Variants in BIRC6 observed in about 807,000 individuals in gnomAD.
BIRC6 encodes baculoviral IAP repeat containing 6, also known as dual E2 ubiquitin-conjugating enzyme/E3 ubiquitin-protein ligase BIRC6.
BIRC6 carries 98 observed loss-of-function variants against 503.3 expected under a neutral mutation model. The observed-to-expected ratio is 0.19, with a 90% confidence interval of 0.17 to 0.23. The LOEUF (loss-of-function observed/expected upper bound fraction) is 0.23, where lower values mean the gene tolerates loss of function less well. Ranked by LOEUF, BIRC6 falls within the 10% of genes least tolerant of loss-of-function variation. The pLI, the probability that BIRC6 is intolerant of heterozygous loss-of-function variation, is 1.00. For missense variants in BIRC6, 5,360 were observed against 5,806.0 expected (o/e 0.92, Z 2.50); for synonymous variants, 2,240 against 2,078.7 (o/e 1.08, Z -2.11).
At chr2:32,397,154 CAT>C (rs2039990951) in intron 6 of BIRC6, among the ~76,000 whole-genome samples, 1 of 152,018 alleles carries the variant, frequency 6.6e-6, no homozygotes, top group Non-Finnish European at 1.5e-5. Context: ...CATGGTTGAC[CAT>C]GGGTAACTGA....
intron 55 of BIRC6, among the ~76,000 whole-genome samples, chr2:32,516,716 T>C (rs1481581500): frequency 2.0e-5 from 3 of 152,054 alleles, no homozygotes; most frequent in Admixed American, 2.0e-4. Flanking sequence ...AATTAAATCC[T>C]GAAAGGTAGA....
chr2:32,423,505 T>C (rs1317785283), intron 10 of BIRC6, among the ~76,000 whole-genome samples: 4 of 152,202 alleles, frequency 2.6e-5, no homozygotes, highest in African/African-American at 9.7e-5. Context: ...TCTACTTCTG[T>C]ATGACTTTGC....
At chr2:32,569,763 G>C (rs1223314294) in intron 65 of BIRC6, among the ~76,000 whole-genome samples, 1 of 151,260 alleles carries the variant, frequency 6.6e-6, no homozygotes, top group Non-Finnish European at 1.5e-5. Flanking sequence ...AAACATTACT[G>C]GTTTTCATAT....
At chr2:32,375,017 G>C (rs1485064838) in intron 1 of BIRC6, among the ~76,000 whole-genome samples, 1 of 152,066 alleles carries the variant, frequency 6.6e-6, no homozygotes, top group African/African-American at 2.4e-5. Flanking sequence ...TTAGGCTTTT[G>C]ATTTGTGTAA....
At chr2:32,370,339 G>T (rs1186953702) in intron 1 of BIRC6, among the ~76,000 whole-genome samples, 1 of 151,920 alleles carries the variant, frequency 6.6e-6, no homozygotes, top group Non-Finnish European at 1.5e-5. Flanking sequence ...TGACACTTTT[G>T]GTTAATGTGA....
At chr2:32,430,802 CTTCTT>C in intron 11 of BIRC6, 58 bp from the exon 12 acceptor site, 2 of 993,286 alleles carry the variant, frequency 2.0e-6, no homozygotes, top group Non-Finnish European at 2.9e-6. Context: ...ACTTCATTGT[CTTCTT>C]TTTTTTTTTT....
At chr2:32,610,977 G>A (rs1013473880) in intron 72 of BIRC6, among the ~76,000 whole-genome samples, 1 of 152,028 alleles carries the variant, frequency 6.6e-6, no homozygotes, top group Non-Finnish European at 1.5e-5. Context: ...CGCCTGCCTT[G>A]ATCTCCCAGA....
chr2:32,462,743 G>A (rs1026158575), intron 23 of BIRC6, among the ~76,000 whole-genome samples: 3 of 152,074 alleles, frequency 2.0e-5, no homozygotes, highest in African/African-American at 7.2e-5. Context: ...ATCACTTGAG[G>A]CCAGGAGTTC....
rs1484685256 is a variant in BIRC6 at position 32,519,736 on chromosome 2, T to G, written c.11623+790T>G. On this transcript the variant is annotated intron_variant, in intron 57 of 73. Coordinates refer to ENST00000421745, the MANE Select transcript of BIRC6 (RefSeq NM_016252.4). ...TTTCACCATGTTGGCCAGGCTGGTC[T>G]CGAACTCCTGACCTCAAGTGATCCG... Among the ~76,000 whole-genome samples the G allele has an allele frequency of 5.3e-5, 8 of 152,306 alleles. No homozygotes were observed. The East Asian group carries it at 1.5e-3, about 29-fold the overall frequency.
chr2:32,525,516 A>G lies in BIRC6; in HGVS notation c.11808A>G (p.Pro3936=). 1 of 1,613,964 alleles carries G rather than the reference A, an allele frequency of 6.2e-7. No individual in the cohort carries two copies. The highest frequency in any genetic ancestry group is 1.7e-5 in the Admixed American group (1 of 60,020). The change falls in exon 59 of 74, where the codon CCA becomes CCG. Residue 3936 remains proline, a synonymous_variant. Coordinates refer to ENST00000421745, the MANE Select transcript of BIRC6 (RefSeq NM_016252.4). ...RAVSATPPRP[P]SRRGRTIPDK... ...TGTCAGCTACACCACCTCGCCCACC[A>G]TCCAGGAGGGGGAGGACAATACCTG...
intron 61 of BIRC6, among the ~76,000 whole-genome samples, 171 bp from the exon 62 acceptor site, chr2:32,543,070 G>C (rs191424172): frequency 2.1e-3 from 316 of 152,326 alleles, no homozygotes; most frequent in African/African-American, 7.1e-3. Context: ...AAAGTGCTGG[G>C]ATAACAGGCG....
intron 73 of BIRC6, among the ~76,000 whole-genome samples, chr2:32,612,398 G>C (rs748037695): frequency 6.6e-6 from 1 of 152,030 alleles, no homozygotes; most frequent in Non-Finnish European, 1.5e-5. Flanking sequence ...ATCTTTCTTT[G>C]TAACAGCCTT....
chr2:32,510,854 T>A (rs1054345952), intron 53 of BIRC6, among the ~76,000 whole-genome samples: 1 of 152,232 alleles, frequency 6.6e-6, no homozygotes, highest in Non-Finnish European at 1.5e-5. Flanking sequence ...AATTTGAACT[T>A]AAATAGAATT....
chr2:32,566,507 C>G (rs539659897), intron 65 of BIRC6: 1 of 152,246 alleles, frequency 6.6e-6, no homozygotes, highest in South Asian at 2.1e-4. Context: ...CGGGCACTAC[C>G]ACACCTGGCT....
Position 32,611,529 on chromosome 2 carries a change from A to T in BIRC6, c.14341A>T (p.Ser4781Cys). ...EEWIADIQQY[S>C]SDKRVGRTMS... is the part of the protein sequence containing the mutation. ...GTGGATTGCGGATATCCAGCAGTACAGCAGTGATAAGCGGGTAGGCAGGAC... is the reference window on the plus strand; with the variant it reads ...GTGGATTGCGGATATCCAGCAGTACTGCAGTGATAAGCGGGTAGGCAGGAC... Residue 4781 changes from serine (S) to cysteine (C), a missense_variant, in exon 73 of 74, where the codon AGC (serine) becomes TGC (cysteine). By Grantham distance (112) the Ser-to-Cys change is moderately radical. Transcript: ENST00000421745. 3 of 1,606,352 alleles carry T rather than the reference A, an allele frequency of 1.9e-6. No homozygotes were observed. Among genetic ancestry groups the T allele is most frequent in the Non-Finnish European group, 2.6e-6 (3 of 1,175,342 alleles).
chr2:32,387,299 C>G (rs1211907382), intron 3 of BIRC6, among the ~76,000 whole-genome samples: 3 of 145,836 alleles, frequency 2.1e-5, no homozygotes, highest in African/African-American at 7.8e-5. Context: ...TTCATTCTCC[C>G]TCTTTTTTTT....
intron 22 of BIRC6, among the ~76,000 whole-genome samples, chr2:32,452,774 T>C (rs2046856379): frequency 6.6e-6 from 1 of 152,136 alleles, no homozygotes; most frequent in Non-Finnish European, 1.5e-5. Flanking sequence ...GTTGCGTTAA[T>C]TCCTAATAAC....
At chr2:32,569,405 G>A (rs1281112075) in intron 65 of BIRC6, among the ~76,000 whole-genome samples, 1 of 151,942 alleles carries the variant, frequency 6.6e-6, no homozygotes, top group African/African-American at 2.4e-5. Flanking sequence ...GTCTTGCTCC[G>A]TCGCCCAGGC....
At position 32,415,972 on chromosome 2, in the gene BIRC6, C is replaced by T. The variant is rs34996177; in HGVS notation, c.2681C>T (p.Thr894Met). The part of the protein sequence containing the change: ...TSKNGFEREK[T>M]SDISTLGHLV... ...AAGAATGGTTTTGAGAGAGAAAAAA[C>T]GTCTGACATTTCTACTCTTGGACAC... Residue 894 changes from threonine (T) to methionine (M), a missense_variant, in exon 10 of 74, where the codon ACG (threonine) becomes ATG (methionine). Physicochemically the swap from Thr to Met is moderately conservative, Grantham distance 81. Around this residue, in one of 16 missense-constraint regions of BIRC6, gnomAD observed 700 missense variants for 739.3 expected, o/e 0.95. Coordinates refer to ENST00000421745, the MANE Select transcript of BIRC6 (RefSeq NM_016252.4). The T allele has an allele frequency of 0.024, 38,296 of 1,613,624 alleles. 586 individuals carry two copies. Among genetic ancestry groups the T allele is most frequent in the Middle Eastern group, 0.056 (342 of 6,062 alleles).
Sources: allele counts gnomAD v4.1 joint callset (sites outside exome capture counted in the v4.1 genomes callset), GRCh38; gene constraint gnomAD v4.1.1; regional missense constraint gnomAD v4.1.1; transcripts MANE v1.5; gene names NCBI Gene and HGNC (gene_info 2026-07-23, HGNC 2026-07-21).